VPS13B: variants seen among roughly 807,000 people sequenced by gnomAD.
VPS13B encodes vacuolar protein sorting 13 homolog B, also known as intermembrane lipid transfer protein VPS13B.
Under a neutral mutation model 426.4 loss-of-function variants are expected in VPS13B, and 285 were observed. The ratio of observed to expected loss-of-function variants is 0.67; its 90% CI spans 0.61 to 0.74. The LOEUF is 0.74. Ranked by LOEUF, VPS13B falls within the 30% of genes least tolerant of loss-of-function variation. VPS13B has a pLI of 0.00. For missense variants in VPS13B, 4,537 were observed against 4,782.6 expected, an observed-to-expected ratio of 0.95 and a Z score of 1.51; for synonymous variants, 1,676 against 1,676.4, an observed-to-expected ratio of 1.00 and a Z score of 0.01.
At chr8:99,339,310 G>T (rs373698946) in intron 19 of VPS13B, among the ~76,000 whole-genome samples, 1 of 152,046 alleles carries the variant, frequency 6.6e-6, no homozygotes, top group Non-Finnish European at 1.5e-5. Context: ...GTACAGGAAC[G>T]TGATGCTGGC....
intron 33 of VPS13B, among the ~76,000 whole-genome samples, chr8:99,598,003 A>C (rs79703842): frequency 0.04 from 6,123 of 152,162 alleles, 134 homozygotes; most frequent in East Asian, 0.06. Flanking sequence ...AGATGTATAC[A>C]ACATATACTT....
At chr8:99,133,889 G>A (rs1215411132) in intron 8 of VPS13B, among the ~76,000 whole-genome samples, 1 of 152,176 alleles carries the variant, frequency 6.6e-6, no homozygotes, top group Non-Finnish European at 1.5e-5. Flanking sequence ...ACTATTGGGA[G>A]AATTACCAAA....
At chr8:99,608,151 T>C (rs1420779501) in intron 33 of VPS13B, among the ~76,000 whole-genome samples, 1 of 95,444 alleles carries the variant, frequency 1.0e-5, no homozygotes, top group African/African-American at 3.9e-5. Flanking sequence ...TTTAATCTAC[T>C]TTTTTTTTTT....
At chr8:99,832,773 T>A in intron 52 of VPS13B, 121 bp downstream of exon 52, 1 of 970,634 alleles carries the variant, frequency 1.0e-6, no homozygotes, top group Non-Finnish European at 1.5e-6. Flanking sequence ...GCTTTATTTT[T>A]AATTACTTCT....
intron 21 of VPS13B, among the ~76,000 whole-genome samples, chr8:99,428,262 G>A (rs1004837333): frequency 2.0e-5 from 3 of 152,134 alleles, no homozygotes; most frequent in Non-Finnish European, 4.4e-5. Flanking sequence ...AAAAGCAATG[G>A]CAACAGAAGC....
intron 25 of VPS13B, among the ~76,000 whole-genome samples, chr8:99,498,950 G>C (rs147411686): frequency 6.6e-6 from 1 of 152,222 alleles, no homozygotes; most frequent in East Asian, 1.9e-4. Flanking sequence ...CAAGAATGCA[G>C]GAGTTATTTT....
intron 39 of VPS13B, among the ~76,000 whole-genome samples, chr8:99,761,362 C>A (rs1443672419): frequency 3.9e-5 from 6 of 152,220 alleles, no homozygotes; most frequent in Non-Finnish European, 7.3e-5. Context: ...ACATCTCTTA[C>A]TTTAGGCTCC....
chr8:99,795,320 T>A (rs1812751730), intron 43 of VPS13B, among the ~76,000 whole-genome samples: 1 of 152,172 alleles, frequency 6.6e-6, no homozygotes, highest in Non-Finnish European at 1.5e-5. Flanking sequence ...TCCAATAACA[T>A]TTTTCGCACT....
At chr8:99,176,542 G>A (rs1282710455) in intron 16 of VPS13B, among the ~76,000 whole-genome samples, 2 of 152,170 alleles carry the variant, frequency 1.3e-5, no homozygotes, top group African/African-American at 4.8e-5. Flanking sequence ...TGAGTTGCTT[G>A]ATATGTACCA....
In VPS13B at chr8:99,101,333, C is replaced by T. The variant is rs184167187; in HGVS notation, c.413-1620C>T. The stretch of plus-strand genomic sequence containing the variant: ...ATTTTTAGTAGAGACAGGGTTTCAC[C>T]GTGTCAGCCAGGATGGTCTCCATCT... On this transcript the variant is annotated intron_variant, in intron 4 of 61. Transcript: ENST00000357162. Among the ~76,000 whole-genome samples, 959 of 152,154 alleles carry T rather than the reference C, an allele frequency of 6.3e-3. 7 individuals are homozygous for T. The highest frequency in any genetic ancestry group is 0.022 in the African/African-American group (899 of 41,506).
chr8:99,448,448 C>T (rs1818035783), intron 23 of VPS13B, among the ~76,000 whole-genome samples: 1 of 151,990 alleles, frequency 6.6e-6, no homozygotes, highest in African/African-American at 2.4e-5. Context: ...TTATGAATAA[C>T]CAGAAATCTA....
At chr8:99,357,328 A>G (rs987977920) in intron 19 of VPS13B, among the ~76,000 whole-genome samples, 3 of 152,076 alleles carry the variant, frequency 2.0e-5, no homozygotes, top group African/African-American at 7.2e-5. Flanking sequence ...GTAATTAATC[A>G]TATTTTACCC....
intron 16 of VPS13B, 107 bp downstream of exon 16, chr8:99,170,270 T>C: frequency 1.4e-6 from 2 of 1,388,518 alleles, no homozygotes; most frequent in Non-Finnish European, 2.0e-6. Flanking sequence ...TATACAAAAC[T>C]TTAGAAAAAA....
rs1587945316 is a variant in VPS13B, at chr8:99,036,710, A to G, written c.148-1713A>G. On this transcript the variant is annotated intron_variant, in intron 2 of 61. Coordinates refer to ENST00000357162, the MANE Select transcript of VPS13B (RefSeq NM_152564.5). ...TTTGTACTCTGAGAACTCTGAGACAATCTGATTTATGCCCTTAGACTGCAA... is the reference window on the plus strand; with the variant it reads ...TTTGTACTCTGAGAACTCTGAGACAGTCTGATTTATGCCCTTAGACTGCAA... 2.0e-5 allele frequency among the ~76,000 whole-genome samples: 3 copies of G among 152,090 alleles called. No homozygotes were observed. The South Asian group carries it at 6.2e-4, about 32-fold the overall frequency.
At chr8:99,759,308 T>C (rs1810802664) in intron 39 of VPS13B, among the ~76,000 whole-genome samples, 1 of 152,186 alleles carries the variant, frequency 6.6e-6, no homozygotes, top group Admixed American at 6.5e-5. Context: ...CAGTCTTTCA[T>C]AGCTCTCTGT....
intron 33 of VPS13B, among the ~76,000 whole-genome samples, chr8:99,609,475 C>T (rs1827748916): frequency 6.6e-6 from 1 of 152,086 alleles, no homozygotes; most frequent in South Asian, 2.1e-4. Context: ...GTAACAGGCC[C>T]GCTTTGTTCA....
intron 23 of VPS13B, among the ~76,000 whole-genome samples, chr8:99,444,869 C>G (rs909564289): frequency 1.3e-5 from 2 of 152,028 alleles, no homozygotes; most frequent in Non-Finnish European, 2.9e-5. Context: ...CACCATGTTT[C>G]ACAGGTTGGT....
chr8:99,784,487 A>T lies in VPS13B; in HGVS notation c.7941+11A>T. The T allele has an allele frequency of 6.2e-7, 1 of 1,613,516 alleles. No homozygotes were observed. Among genetic ancestry groups the T allele is most frequent in the Non-Finnish European group, 8.5e-7 (1 of 1,179,560 alleles). Reference sequence around the variant, plus strand: ...CACAAATCCCCACAGGTATTTGAGAAACACCCTTACAAACAGCCATTGTTA... The same window carrying T: ...CACAAATCCCCACAGGTATTTGAGATACACCCTTACAAACAGCCATTGTTA... On this transcript the variant is annotated intron_variant, in intron 43 of 61. Transcript: ENST00000357162.
At chr8:99,306,029 G>A (rs1820619269) in intron 19 of VPS13B, among the ~76,000 whole-genome samples, 1 of 152,066 alleles carries the variant, frequency 6.6e-6, no homozygotes, top group African/African-American at 2.4e-5. Context: ...TTTATCAGAT[G>A]ACTATTAAGA....
Sources: allele counts gnomAD v4.1 joint callset (sites outside exome capture counted in the v4.1 genomes callset), GRCh38; gene constraint gnomAD v4.1.1; transcripts MANE v1.5; gene names NCBI Gene and HGNC (gene_info 2026-07-23, HGNC 2026-07-21).